Variants in KMO observed in about 807,000 individuals in gnomAD.
The protein encoded by KMO is kynurenine 3-hydroxylase.
Under a neutral mutation model 57.8 loss-of-function variants are expected in KMO, and 24 were observed. The ratio of observed to expected loss-of-function variants is 0.42; its 90% CI spans 0.30 to 0.58. The LOEUF (loss-of-function observed/expected upper bound fraction) is 0.58. Ranked by LOEUF, KMO falls within the 20% of genes least tolerant of loss-of-function variation. KMO has a pLI of 0.22. For missense variants in KMO, 483 were observed against 588.2 expected, an observed-to-expected ratio of 0.82 and a Z score of 1.85; for synonymous variants, 210 against 193.6, an observed-to-expected ratio of 1.08 and a Z score of -0.70.
chr1:241,533,662 T>C lies in KMO; in HGVS notation c.54+1164T>C, dbSNP rs138262902. On this transcript the variant is annotated intron_variant, in intron 1 of 14. Coordinates refer to ENST00000366559, the MANE Select transcript of KMO (RefSeq NM_003679.5). ...AAAATCTGATTACTATGTACCAATA[T>C]TGTTTTAGGTAGTAGGGATGCGAGG... Among the ~76,000 whole-genome samples, 174 of 152,298 alleles carry C rather than the reference T, an allele frequency of 1.1e-3. 1 individual carries two copies. The highest frequency in any genetic ancestry group is 3.7e-3 in the African/African-American group (155 of 41,564).
rs1663445512 is a variant in KMO, at chr1:241,594,707, A to G, written c.*2554A>G. On this transcript the variant is annotated 3_prime_UTR_variant, in exon 15 of 15. Coordinates refer to ENST00000366559, the MANE Select transcript of KMO (RefSeq NM_003679.5). Reference sequence around the variant, plus strand: ...ATCTTCGAAACTGGGCAGAGAAAAAATAAAGTGGAATATTAAGTAAAAGTT... The same window carrying G: ...ATCTTCGAAACTGGGCAGAGAAAAAGTAAAGTGGAATATTAAGTAAAAGTT... The G allele has an allele frequency of 6.2e-7, 1 of 1,607,136 alleles. No individual in the cohort carries two copies. Among genetic ancestry groups the G allele is most frequent in the Non-Finnish European group, 8.5e-7 (1 of 1,176,950 alleles).
intron 10 of KMO, among the ~76,000 whole-genome samples, chr1:241,583,604 C>T (rs1267497109): frequency 2.0e-5 from 3 of 152,144 alleles, no homozygotes; most frequent in African/African-American, 4.8e-5. Flanking sequence ...AGAAGAGGGT[C>T]TCAGGTACTT....
At chr1:241,577,683 T>A (rs1662575138) in intron 10 of KMO, among the ~76,000 whole-genome samples, 1 of 152,184 alleles carries the variant, frequency 6.6e-6, no homozygotes, top group Non-Finnish European at 1.5e-5. Context: ...ATTTATTTAT[T>A]TTTTCCCCAG....
intron 1 of KMO, among the ~76,000 whole-genome samples, chr1:241,545,543 G>A (rs753982128): frequency 7.9e-5 from 12 of 152,110 alleles, no homozygotes; most frequent in Admixed American, 6.6e-5. Context: ...ATGCGTGTCT[G>A]ATTCCCCTTT....
intron 1 of KMO, among the ~76,000 whole-genome samples, chr1:241,539,085 A>C (rs1406660701): frequency 6.6e-6 from 1 of 152,096 alleles, no homozygotes. Flanking sequence ...TGTAGTCTTA[A>C]AAATAGTGGG....
At chr1:241,534,082 C>A (rs1449602774) in intron 1 of KMO, among the ~76,000 whole-genome samples, 2 of 152,178 alleles carry the variant, frequency 1.3e-5, no homozygotes, top group African/African-American at 4.8e-5. Flanking sequence ...GAGGTCCAGG[C>A]AAGAAGATCA....
At chr1:241,589,923 G>A (rs910965022) in intron 12 of KMO, 89 bp from the exon 13 acceptor site, 12 of 1,006,206 alleles carry the variant, frequency 1.2e-5, no homozygotes, top group African/African-American at 6.4e-5. Context: ...TTGGCATTGC[G>A]ATGAGTGGGA....
At chr1:241,555,408 A>T (rs191330310) in intron 4 of KMO, among the ~76,000 whole-genome samples, 1 of 152,362 alleles carries the variant, frequency 6.6e-6, no homozygotes, top group Admixed American at 6.5e-5. Context: ...GCCTAAGTGT[A>T]AACTTGGATA....
chr1:241,594,054 CAT>C lies in KMO; in HGVS notation c.*1902_*1903del, dbSNP rs1448919141. ...TTCAGTATGTTCTAGCTACTTCACA[CAT>C]GTGTACGCGACAGTTATTTTTACAG... On this transcript the variant is annotated 3_prime_UTR_variant, in exon 15 of 15. Coordinates refer to ENST00000366559, the MANE Select transcript of KMO (RefSeq NM_003679.5). 28 of 214,830 alleles carry C rather than the reference CAT, an allele frequency of 1.3e-4. No homozygotes were observed. Among genetic ancestry groups the C allele is most frequent in the African/African-American group, 9.4e-5 (4 of 42,674 alleles). The allele number at this position is 214,830 out of a possible 1,614,324, so 13.3% of individuals were successfully genotyped here.
intron 1 of KMO, among the ~76,000 whole-genome samples, chr1:241,541,820 T>C (rs565197872): frequency 2.6e-5 from 4 of 152,290 alleles, no homozygotes; most frequent in African/African-American, 9.6e-5. Flanking sequence ...AAGATCAAAA[T>C]CTTGAGACGT....
At chr1:241,589,466 A>C (rs1002003423) in intron 12 of KMO, among the ~76,000 whole-genome samples, 4 of 152,242 alleles carry the variant, frequency 2.6e-5, no homozygotes, top group African/African-American at 9.6e-5. Flanking sequence ...CTGAAGACAG[A>C]AAGAAACTGG....
intron 7 of KMO, among the ~76,000 whole-genome samples, chr1:241,563,413 C>T (rs6429280): frequency 0.84 from 127,303 of 152,214 alleles, 54,276 homozygotes; most frequent in Non-Finnish European, 0.93. Flanking sequence ...AAGGGTAAAA[C>T]AGCTAGTCAA....
At chr1:241,533,721 A>T (rs1014091132) in intron 1 of KMO, among the ~76,000 whole-genome samples, 3 of 152,236 alleles carry the variant, frequency 2.0e-5, no homozygotes, top group African/African-American at 7.2e-5. Context: ...GACAAGGAAG[A>T]AGAAAACAAA....
In KMO at chr1:241,590,227, C is replaced by T. The variant is rs750524472; in HGVS notation, c.1224C>T (p.Tyr408=). 6 of 1,613,610 alleles carry T rather than the reference C, an allele frequency of 3.7e-6. No homozygotes were observed. In the East Asian group the frequency reaches 1.3e-4, roughly 36 times the overall value. Residue 408 remains tyrosine, a synonymous_variant, in exon 14 of 15, where the codon TAC becomes TAT. Coordinates refer to ENST00000366559, the MANE Select transcript of KMO (RefSeq NM_003679.5). The part of the protein sequence containing the change: ...YTMVTFSRIR[Y]HEAVQRWHWQ... ...AGGTCACTTTTTCCAGAATAAGATACCATGAGGCTGTGCAGCGTTGGCATT... is the reference window on the plus strand; with the variant it reads ...AGGTCACTTTTTCCAGAATAAGATATCATGAGGCTGTGCAGCGTTGGCATT...
At chr1:241,558,396 A>G (rs1185808032) in intron 5 of KMO, among the ~76,000 whole-genome samples, 1 of 152,194 alleles carries the variant, frequency 6.6e-6, no homozygotes, top group Non-Finnish European at 1.5e-5. Context: ...GAGGCATCAA[A>G]TGTGGGAGGT....
intron 11 of KMO, among the ~76,000 whole-genome samples, chr1:241,588,428 G>GT (rs1663105746): frequency 6.8e-6 from 1 of 146,092 alleles, no homozygotes; most frequent in Admixed American, 7.2e-5. Context: ...TTGTGCTCGC[G>GT]TGACTGGTTT....
rs780778297 is a variant in KMO, at chr1:241,549,784, G to A, written c.222+10G>A. 1.5e-5 allele frequency: 23 copies of A among 1,532,576 alleles called. No individual in the cohort carries two copies. Among genetic ancestry groups the A allele is most frequent in the Middle Eastern group, 3.4e-4 (2 of 5,928 alleles). 94.9% of individuals were successfully genotyped at this position (1,532,576 alleles called of 1,614,324 possible). A position where few individuals can be genotyped will look rare whatever the true frequency, so the allele number is the denominator to read the frequency against. On this transcript the variant is annotated intron_variant, in intron 3 of 14. Transcript: ENST00000366559. ...TGGCCTGGAAGATCAGGTACTTAATGTATCTTTCTTACAGAAGATAATACC... is the reference window on the plus strand; with the variant it reads ...TGGCCTGGAAGATCAGGTACTTAATATATCTTTCTTACAGAAGATAATACC...
chr1:241,569,213 A>G (rs1449771994), intron 10 of KMO, among the ~76,000 whole-genome samples: 1 of 152,110 alleles, frequency 6.6e-6, no homozygotes. Context: ...AATATATAAT[A>G]AATTATTGTT....
intron 10 of KMO, among the ~76,000 whole-genome samples, chr1:241,572,980 C>A (rs537707318): frequency 2.6e-5 from 4 of 152,040 alleles, no homozygotes; most frequent in Non-Finnish European, 4.4e-5. Flanking sequence ...TACTTTTTTA[C>A]GGTTGAGTAG....
Sources: allele counts gnomAD v4.1 joint callset (sites outside exome capture counted in the v4.1 genomes callset), GRCh38; gene constraint gnomAD v4.1.1; transcripts MANE v1.5; gene names NCBI Gene and HGNC (gene_info 2026-07-23, HGNC 2026-07-21).